The following EPM2A variants were observed in gnomAD, a reference collection of about 807,000 sequenced individuals.
EPM2A encodes the protein laforin.
In EPM2A, 21 loss-of-function variants were observed where a neutral mutation model predicts 26.5. The ratio of observed to expected loss-of-function variants is 0.79; its 90% CI spans 0.56 to 1.14. EPM2A has a LOEUF of 1.14. Among genes scored for constraint, EPM2A ranks in the 50% most tolerant of loss-of-function variants. The probability of loss-of-function intolerance (pLI) is 0.00; values close to 1 mark genes in which losing one functional copy is unlikely to be tolerated. For missense variants in EPM2A, 458 were observed against 440.8 expected (o/e 1.04, Z -0.35); for synonymous variants, 217 against 177.6 (o/e 1.22, Z -1.76).
At chr6:145,388,588 A>G (rs968599314) in intron 4 of EPM2A, among the ~76,000 whole-genome samples, 4 of 152,134 alleles carry the variant, frequency 2.6e-5, no homozygotes, top group Admixed American at 1.3e-4. Flanking sequence ...ACAGGTATAC[A>G]TGTGCCATGG....
intron 1 of EPM2A, among the ~76,000 whole-genome samples, chr6:145,700,630 T>G (rs1249795041): frequency 6.6e-6 from 1 of 152,214 alleles, no homozygotes; most frequent in East Asian, 1.9e-4. Context: ...CCCTAGTAGC[T>G]ATATCTCAAC....
At chr6:145,442,601 A>G (rs947660243) in intron 4 of EPM2A, among the ~76,000 whole-genome samples, 6 of 152,196 alleles carry the variant, frequency 3.9e-5, no homozygotes, top group African/African-American at 1.4e-4. Context: ...GTCCTTCCAC[A>G]GCTCAAGGGA....
chr6:145,507,712 G>T (rs557234654), intron 2 of EPM2A, among the ~76,000 whole-genome samples: 5 of 152,314 alleles, frequency 3.3e-5, no homozygotes, highest in Non-Finnish European at 7.3e-5. Context: ...AGTAGGAGAA[G>T]GGTTCCCACT....
intron 2 of EPM2A, among the ~76,000 whole-genome samples, chr6:145,564,465 A>T (rs1780851937): frequency 6.6e-6 from 1 of 152,236 alleles, no homozygotes. Flanking sequence ...GGGGCCAAAC[A>T]CAGAAGCAAA....
At chr6:145,529,403 C>T (rs748902324) in intron 2 of EPM2A, among the ~76,000 whole-genome samples, 1 of 152,152 alleles carries the variant, frequency 6.6e-6, no homozygotes, top group Non-Finnish European at 1.5e-5. Context: ...GCCCCTCCCA[C>T]CTTCAGCAAT....
chr6:145,551,439 G>A (rs1562379233), intron 2 of EPM2A, among the ~76,000 whole-genome samples: 1 of 151,848 alleles, frequency 6.6e-6, no homozygotes, highest in African/African-American at 2.4e-5. Flanking sequence ...CCTAGTAAAA[G>A]GTTCCTTTAA....
intron 4 of EPM2A, among the ~76,000 whole-genome samples, chr6:145,393,568 G>T (rs1375809697): frequency 6.6e-6 from 1 of 152,042 alleles, no homozygotes; most frequent in Non-Finnish European, 1.5e-5. Context: ...TTTCCTTGTG[G>T]TAAATTCAGC....
intron 4 of EPM2A, chr6:145,490,504 A>C: frequency 2.8e-6 from 2 of 721,020 alleles, no homozygotes; most frequent in Non-Finnish European, 5.2e-6. Flanking sequence ...AGAACAGTCA[A>C]ACTGCTTCTC....
At chr6:145,621,568 G>A (rs1775634413), downstream of EPM2A, among the ~76,000 whole-genome samples, 1 of 150,862 alleles carries the variant, frequency 6.6e-6, no homozygotes, top group South Asian at 2.1e-4. Flanking sequence ...ACTGTGCAAG[G>A]ATTCCCTTTT....
intron 2 of EPM2A, chr6:145,641,362 A>G (rs1777074505): frequency 6.6e-6 from 1 of 152,234 alleles, no homozygotes; most frequent in Non-Finnish European, 1.5e-5. Flanking sequence ...GAGGGAAGAC[A>G]ATGTGAAGAT....
chr6:145,541,342 G>GTATATACATATATA lies in EPM2A; in HGVS notation c.341-38768_341-38767insTATATATGTATATA, dbSNP rs1446622757. ...CATATATATGTGTATATATATGTGT[G>GTATATACATATATA]TGTGTATATATATATATATGATCGG... On this transcript the variant is annotated intron_variant, in intron 2 of 3. Transcript: ENST00000450221. 1.2e-4 allele frequency among the ~76,000 whole-genome samples: 16 copies of GTATATACATATATA among 136,560 alleles called. No homozygotes were observed. In the East Asian group the frequency reaches 3.3e-3, roughly 28 times the overall value. The allele number at this position is 136,560 out of a possible 152,430, so 89.6% of individuals were successfully genotyped here. A position where few individuals can be genotyped will look rare whatever the true frequency, so the allele number is the denominator to read the frequency against.
chr6:145,579,116 C>T (rs574078493), intron 2 of EPM2A, among the ~76,000 whole-genome samples: 6 of 151,758 alleles, frequency 4.0e-5, no homozygotes, highest in African/African-American at 1.5e-4. Context: ...CAAACATGCA[C>T]GTTGTGCACA....
Position 145,714,761 on chromosome 6 carries a change from A to G in EPM2A, c.301+20437T>C, listed in dbSNP as rs530179897. 1.8e-4 allele frequency among the ~76,000 whole-genome samples: 28 copies of G among 152,280 alleles called. 1 individual carries two copies. The South Asian group carries it at 5.6e-3, about 30-fold the overall frequency. On this transcript the variant is annotated intron_variant, in intron 1 of 3. Coordinates refer to ENST00000367519, the MANE Select transcript of EPM2A (RefSeq NM_005670.4). Reference sequence around the variant, plus strand: ...TTGTGCAGGGAAACTCCACCTTCTAAAGCCATCAGATCTCATGAGACTTAT... The same window carrying G: ...TTGTGCAGGGAAACTCCACCTTCTAGAGCCATCAGATCTCATGAGACTTAT...
intron 2 of EPM2A, among the ~76,000 whole-genome samples, chr6:145,595,493 T>TA (rs1781330882): frequency 1.3e-5 from 2 of 151,836 alleles, no homozygotes; most frequent in Non-Finnish European, 2.9e-5. Context: ...TATATTGATT[T>TA]TAAATTTAAT....
At chr6:145,629,048 C>G (rs565336260) in intron 3 of EPM2A, 11 of 152,438 alleles carry the variant, frequency 7.2e-5, no homozygotes, top group African/African-American at 2.4e-4. Context: ...GCAGAGTCCA[C>G]ATGGAAGCCA....
At chr6:145,730,664 T>C (rs1776438790) in intron 1 of EPM2A, among the ~76,000 whole-genome samples, 1 of 152,218 alleles carries the variant, frequency 6.6e-6, no homozygotes, top group Admixed American at 6.5e-5. Context: ...GTTACATGAA[T>C]TGATTTTTTT....
At chr6:145,385,448 G>C (rs1038433346) in intron 4 of EPM2A, among the ~76,000 whole-genome samples, 1 of 152,080 alleles carries the variant, frequency 6.6e-6, no homozygotes, top group African/African-American at 2.4e-5. Context: ...AGAGTATTCT[G>C]ATGATATAAA....
chr6:145,627,605 C>G lies in EPM2A; in HGVS notation c.807G>C (p.Gly269=). ...GHIVYVHCNA[G]VGRSTAAVCG... is the part of the protein sequence containing the mutation. ...AGACAGCCGCGGTGGAGCGGCCCACCCCAGCGTTGCAGTGCACGTACACGA... is the reference window on the plus strand; with the variant it reads ...AGACAGCCGCGGTGGAGCGGCCCACGCCAGCGTTGCAGTGCACGTACACGA... Residue 269 remains glycine (G), a synonymous_variant, in exon 4 of 4, where the codon GGG becomes GGC. Transcript: ENST00000367519. 6.2e-7 allele frequency: 1 copy of G among 1,614,220 alleles called. No individual in the cohort carries two copies. Among genetic ancestry groups the G allele is most frequent in the Admixed American group, 1.7e-5 (1 of 60,032 alleles).
chr6:145,667,775 CAAT>C (rs1427194680), intron 2 of EPM2A, among the ~76,000 whole-genome samples: 1 of 133,258 alleles, frequency 7.5e-6, no homozygotes, highest in Admixed American at 7.7e-5. Flanking sequence ...AAATGTCCAA[CAAT>C]GATAGACTGG....
Sources: gnomAD v4.1 joint callset for allele counts (sites outside exome capture counted in the v4.1 genomes callset) on GRCh38, gnomAD v4.1.1 for gene constraint, MANE v1.5 for transcripts, NCBI Gene and HGNC (gene_info 2026-07-23, HGNC 2026-07-21) for gene names.